The following ERC1 variants were observed in gnomAD, a reference collection of about 807,000 sequenced individuals.
ERC1 encodes the protein RAB6 interacting protein 2.
A neutral mutation model predicts 132.0 loss-of-function variants in ERC1; 56 were observed. The observed-to-expected ratio is 0.42, with a 90% confidence interval of 0.34 to 0.53. The LOEUF (loss-of-function observed/expected upper bound fraction) is 0.53, where lower values mean the gene tolerates loss of function less well. Among genes scored for constraint, ERC1 ranks in the 20% least tolerant of loss-of-function variants. ERC1 has a pLI of 0.03. For synonymous variants in ERC1, 478 were observed against 476.1 expected (o/e 1.00, Z -0.05); for missense variants, 1,202 against 1,349.9 (o/e 0.89, Z 1.72).
At chr12:1,390,402 A>C (rs1025493328) in intron 16 of ERC1, among the ~76,000 whole-genome samples, 83 of 152,212 alleles carry the variant, frequency 5.5e-4, no homozygotes, top group African/African-American at 2.0e-3. Context: ...TTGATTAATA[A>C]ATCAATACAT....
At chr12:1,458,892 T>A (rs1482100275) in intron 18 of ERC1, among the ~76,000 whole-genome samples, 3 of 152,218 alleles carry the variant, frequency 2.0e-5, no homozygotes, top group African/African-American at 7.2e-5. Flanking sequence ...CAAATGTTGG[T>A]CTAGATGCCT....
intron 2 of ERC1, among the ~76,000 whole-genome samples, chr12:1,034,454 A>G (rs756656132): frequency 1.3e-5 from 2 of 152,066 alleles, no homozygotes; most frequent in Admixed American, 6.6e-5. Context: ...AATAATTAAG[A>G]AATATTGTGG....
chr12:1,292,224 A>T (rs966599820), intron 15 of ERC1, among the ~76,000 whole-genome samples: 2 of 152,072 alleles, frequency 1.3e-5, no homozygotes, highest in African/African-American at 2.4e-5. Flanking sequence ...TTAAGCTGTG[A>T]ATTTGACTGC....
At chr12:1,432,153 G>A (rs1672609720) in intron 17 of ERC1, among the ~76,000 whole-genome samples, 1 of 152,146 alleles carries the variant, frequency 6.6e-6, no homozygotes. Flanking sequence ...TGCTGGGATA[G>A]CATATACTTA....
intron 15 of ERC1, among the ~76,000 whole-genome samples, chr12:1,340,218 C>A (rs541689429): frequency 7.9e-4 from 121 of 152,274 alleles, no homozygotes; most frequent in African/African-American, 2.8e-3. Flanking sequence ...GAGAGTCCAG[C>A]AGACCAAGAG....
At chr12:1,144,614 G>GTATATATATATATATATATACGTGTA (rs1950161692) in intron 8 of ERC1, among the ~76,000 whole-genome samples, 4 of 132,294 alleles carry the variant, frequency 3.0e-5, no homozygotes, top group African/African-American at 1.3e-4. Flanking sequence ...GAATTTTGTG[G>GTATATATATATATATATATACGTGTA]TATATATATA....
chr12:1,335,126 G>A (rs1192607425), intron 15 of ERC1, among the ~76,000 whole-genome samples: 1 of 152,062 alleles, frequency 6.6e-6, no homozygotes, highest in African/African-American at 2.4e-5. Flanking sequence ...GAAGATTTTG[G>A]ACCAAGACGA....
At chr12:1,187,355 A>AT (rs920061029) in intron 11 of ERC1, among the ~76,000 whole-genome samples, 37 of 149,794 alleles carry the variant, frequency 2.5e-4, no homozygotes, top group South Asian at 4.2e-4. Flanking sequence ...AGTATCTTTG[A>AT]TTTTTTTTTT....
chr12:1,256,637 CAAG>C (rs1390467086), intron 13 of ERC1, among the ~76,000 whole-genome samples: 1 of 150,548 alleles, frequency 6.6e-6, no homozygotes, highest in African/African-American at 2.5e-5. Flanking sequence ...ATCATAGTCA[CAAG>C]AAAATATTTT....
intron 13 of ERC1, among the ~76,000 whole-genome samples, chr12:1,247,497 G>A (rs954533497): frequency 6.6e-6 from 1 of 152,110 alleles, no homozygotes; most frequent in Non-Finnish European, 1.5e-5. Flanking sequence ...TTTAACAAAT[G>A]TATTGACACT....
At chr12:1,293,358 C>T (rs1047291368) in intron 15 of ERC1, among the ~76,000 whole-genome samples, 1 of 147,440 alleles carries the variant, frequency 6.8e-6, no homozygotes, top group Non-Finnish European at 1.5e-5. Context: ...GAGGCTGAGG[C>T]GGGAGAATAG....
At position 1,474,435 on chromosome 12, in the gene ERC1, A is replaced by G. The variant is rs184114358; in HGVS notation, c.3214-15658A>G. Among the ~76,000 whole-genome samples the G allele has an allele frequency of 3.4e-3, 525 of 152,252 alleles. 1 individual carries two copies. The highest frequency in any genetic ancestry group is 5.6e-3 in the Non-Finnish European group (379 of 68,010). ...CCCTTTCACCTCATGCTTTGTGACT[A>G]TGAATAGAGTTGTTTACCTTGAAAT... On this transcript the variant is annotated intron_variant, in intron 18 of 18. Transcript: ENST00000360905.
rs1954509391 is a variant in ERC1 at position 1,181,852 on chromosome 12, T to A, written c.1876-73T>A. 8 of 1,449,448 alleles carry A rather than the reference T, an allele frequency of 5.5e-6. No homozygotes were observed. In the East Asian group the frequency reaches 1.9e-4, roughly 34 times the overall value. The allele number at this position is 1,449,448 out of a possible 1,614,324, so 89.8% of individuals were successfully genotyped here. A position where few individuals can be genotyped will look rare whatever the true frequency, so the allele number is the denominator to read the frequency against. ...TTTTGAATATAGAAGTTTGAAATTC[T>A]GCTAAAAGCAGAATTACAGTCATAT... On this transcript the variant is annotated intron_variant, in intron 9 of 18. Transcript: ENST00000360905.
At chr12:1,102,983 C>CCACA (rs1944844634) in intron 3 of ERC1, among the ~76,000 whole-genome samples, 1 of 152,186 alleles carries the variant, frequency 6.6e-6, no homozygotes, top group South Asian at 2.1e-4. Context: ...GAAAATTTTG[C>CCACA]CACACTTCCT....
Position 1,490,298 on chromosome 12 carries a change from G to A in ERC1, c.*68G>A. 6.6e-7 allele frequency: 1 copy of A among 1,525,692 alleles called. No individual in the cohort carries two copies. 94.5% of individuals were successfully genotyped at this position (1,525,692 alleles called of 1,614,324 possible). A position where few individuals can be genotyped will look rare whatever the true frequency, so the allele number is the denominator to read the frequency against. On this transcript the variant is annotated 3_prime_UTR_variant, in exon 19 of 19. Transcript: ENST00000360905. Reference sequence around the variant, plus strand: ...AAGAAAAGAGAACTACGAGGAACAGGTGCCCGGAACCTTCTTGGCACCAAA... The same window carrying A: ...AAGAAAAGAGAACTACGAGGAACAGATGCCCGGAACCTTCTTGGCACCAAA...
At chr12:1,146,318 T>TGTTGTTG (rs1555269108) in intron 8 of ERC1, among the ~76,000 whole-genome samples, 1 of 134,990 alleles carries the variant, frequency 7.4e-6, no homozygotes, top group African/African-American at 3.2e-5. Flanking sequence ...GTTTTTTTTT[T>TGTTGTTG]TTTTTTTTTT....
intron 13 of ERC1, among the ~76,000 whole-genome samples, chr12:1,259,147 A>T (rs1380599488): frequency 6.6e-6 from 1 of 152,180 alleles, no homozygotes. Flanking sequence ...ATGTCTTAGA[A>T]TAATAGTCAC....
intron 7 of ERC1, among the ~76,000 whole-genome samples, chr12:1,119,263 T>G (rs1011041965): frequency 3.3e-5 from 5 of 150,186 alleles, no homozygotes; most frequent in East Asian, 3.9e-4. Context: ...GTTTTGTTTT[T>G]TTTGTTTTTT....
At chr12:1,032,196 T>C (rs1968171155) in intron 2 of ERC1, among the ~76,000 whole-genome samples, 1 of 151,966 alleles carries the variant, frequency 6.6e-6, no homozygotes, top group South Asian at 2.1e-4. Context: ...GGATTACAGG[T>C]GCCCCCCACC....
Sources: gnomAD v4.1 joint callset for allele counts (sites outside exome capture counted in the v4.1 genomes callset) on GRCh38, gnomAD v4.1.1 for gene constraint, MANE v1.5 for transcripts, NCBI Gene and HGNC (gene_info 2026-07-23, HGNC 2026-07-21) for gene names.